The following DACH1 variants were observed in gnomAD, a reference collection of about 807,000 sequenced individuals.
DACH1 encodes the protein dachshund homolog 1.
A neutral mutation model predicts 54.2 loss-of-function variants in DACH1; 12 were observed. That is an observed-to-expected ratio of 0.22 (90% confidence interval 0.14 to 0.36). DACH1 has a LOEUF of 0.36. Among genes scored for constraint, DACH1 ranks in the 10% least tolerant of loss-of-function variants. The pLI, the probability that DACH1 is intolerant of heterozygous loss-of-function variation, is 1.00. For synonymous variants in DACH1, 386 were observed against 366.2 expected (o/e 1.05, Z -0.62); for missense variants, 805 against 929.8 (o/e 0.87, Z 1.75).
chr13:71,540,947 C>T (rs555985449), intron 6 of DACH1, among the ~76,000 whole-genome samples: 3 of 151,798 alleles, frequency 2.0e-5, no homozygotes, highest in African/African-American at 7.2e-5. Flanking sequence ...ATATACTTGT[C>T]CTATTAATAT....
At chr13:71,588,809 T>C (rs1873470082) in intron 3 of DACH1, among the ~76,000 whole-genome samples, 1 of 151,962 alleles carries the variant, frequency 6.6e-6, no homozygotes, top group Non-Finnish European at 1.5e-5. Context: ...TAAATGGCTA[T>C]TTTCCTCCCT....
chr13:71,452,645 G>A (rs1475339365), intron 10 of DACH1, among the ~76,000 whole-genome samples: 7 of 152,080 alleles, frequency 4.6e-5, no homozygotes, highest in Non-Finnish European at 1.0e-4. Flanking sequence ...TCAAGTATTA[G>A]GTAGAAAACA....
chr13:71,571,185 AT>A (rs1343598507), intron 4 of DACH1, among the ~76,000 whole-genome samples: 2 of 152,206 alleles, frequency 1.3e-5, no homozygotes, highest in Non-Finnish European at 2.9e-5. Flanking sequence ...ATATTATGAG[AT>A]GATTCTTTAT....
At chr13:71,583,312 T>C (rs1872979321) in intron 3 of DACH1, among the ~76,000 whole-genome samples, 1 of 152,114 alleles carries the variant, frequency 6.6e-6, no homozygotes. Context: ...TTTTGTTTCT[T>C]TTTTGCAAAA....
chr13:71,842,857 ATTC>A (rs1299157811), intron 1 of DACH1, among the ~76,000 whole-genome samples: 1 of 152,208 alleles, frequency 6.6e-6, no homozygotes, highest in East Asian at 1.9e-4. Context: ...AAGGATATCT[ATTC>A]TTCTGACTTG....
chr13:71,519,883 GTATATATATA>G lies in DACH1; in HGVS notation c.1571-30745_1571-30736del, dbSNP rs57190375. On this transcript the variant is annotated intron_variant, in intron 6 of 10. Coordinates refer to ENST00000613252, the MANE Select transcript of DACH1 (RefSeq NM_080759.6). ...AGATGTTTGTGTCCAAACCAAAGTA[GTATATATATA>G]TATATATATATATATCCTAACTAAC... Among the ~76,000 whole-genome samples, 61 of 29,348 alleles carry G rather than the reference GTATATATATA, an allele frequency of 2.1e-3. 6 individuals are homozygous for G. The highest frequency in any genetic ancestry group is 2.9e-3 in the African/African-American group (43 of 14,946). 19.3% of individuals were successfully genotyped at this position (29,348 alleles called of 152,430 possible).
At chr13:71,856,221 A>T (rs1261234117) in intron 1 of DACH1, among the ~76,000 whole-genome samples, 5 of 152,036 alleles carry the variant, frequency 3.3e-5, no homozygotes, top group African/African-American at 9.6e-5. Flanking sequence ...CCCATGGGGT[A>T]ACTTGTATAA....
chr13:71,726,998 A>G (rs1388601145), intron 1 of DACH1, among the ~76,000 whole-genome samples: 1 of 152,120 alleles, frequency 6.6e-6, no homozygotes, highest in East Asian at 1.9e-4. Flanking sequence ...TTTTCTATGT[A>G]AAATGAAACA....
At chr13:71,797,471 C>A (rs1356875278) in intron 1 of DACH1, among the ~76,000 whole-genome samples, 2 of 152,066 alleles carry the variant, frequency 1.3e-5, no homozygotes, top group African/African-American at 4.8e-5. Flanking sequence ...CTTAAAGGGT[C>A]AAAATTTATT....
chr13:71,819,968 C>T (rs1888120790), intron 1 of DACH1, among the ~76,000 whole-genome samples: 1 of 151,218 alleles, frequency 6.6e-6, no homozygotes, highest in African/African-American at 2.4e-5. Flanking sequence ...TTAACTGGCA[C>T]CTAAAGAAAA....
intron 1 of DACH1, among the ~76,000 whole-genome samples, chr13:71,697,578 C>T (rs1881895236): frequency 6.6e-6 from 1 of 152,044 alleles, no homozygotes; most frequent in Non-Finnish European, 1.5e-5. Flanking sequence ...TAGTCTATGC[C>T]CAAATATGTA....
intron 1 of DACH1, among the ~76,000 whole-genome samples, chr13:71,684,960 G>C (rs1340148548): frequency 2.0e-5 from 3 of 152,098 alleles, no homozygotes; most frequent in East Asian, 1.9e-4. Flanking sequence ...AGAGAAAATA[G>C]AATAGAGGGT....
chr13:71,833,391 A>G lies in DACH1; in HGVS notation c.848+32531T>C, dbSNP rs574330931. Among the ~76,000 whole-genome samples the G allele has an allele frequency of 1.2e-4, 19 of 152,176 alleles. 1 individual carries two copies. Among genetic ancestry groups the G allele is most frequent in the Non-Finnish European group, 1.5e-5 (1 of 67,970 alleles). ...AAATTTAAACTAAATTTTGTTTGAA[A>G]GCATCCGTTAACCTAATTTGTACAC... On this transcript the variant is annotated intron_variant, in intron 1 of 10. Coordinates refer to ENST00000613252, the MANE Select transcript of DACH1 (RefSeq NM_080759.6).
At chr13:71,483,066 G>T (rs1878185886) in intron 7 of DACH1, among the ~76,000 whole-genome samples, 1 of 151,804 alleles carries the variant, frequency 6.6e-6, no homozygotes, top group Non-Finnish European at 1.5e-5. Flanking sequence ...GCATCCCAAA[G>T]TGCTGGGATT....
In DACH1 at chr13:71,867,167, C is replaced by T. The variant is rs568463786; in HGVS notation, c.-398G>A. ...AGGAGGTTTGAAGGACTTGGGCTCT[C>T]CCTGGCAAGTACATTGATCAAAGAT... On this transcript the variant is annotated 5_prime_UTR_variant, in exon 1 of 11. Coordinates refer to ENST00000613252, the MANE Select transcript of DACH1 (RefSeq NM_080759.6). The T allele has an allele frequency of 2.5e-4, 44 of 173,252 alleles. No individual in the cohort carries two copies. In the South Asian group the frequency reaches 5.2e-3, roughly 20 times the overall value. 10.7% of individuals were successfully genotyped at this position (173,252 alleles called of 1,614,324 possible). A position where few individuals can be genotyped will look rare whatever the true frequency, so the allele number is the denominator to read the frequency against.
chr13:71,781,774 A>C (rs1191393996), intron 1 of DACH1, among the ~76,000 whole-genome samples: 1 of 152,196 alleles, frequency 6.6e-6, no homozygotes, highest in African/African-American at 2.4e-5. Context: ...TGTGGTTCAA[A>C]GATCACTCTG....
Position 71,491,606 on chromosome 13 carries a change from G to A in DACH1, c.1571-2458C>T, listed in dbSNP as rs978990460. On this transcript the variant is annotated intron_variant, in intron 6 of 10. Transcript: ENST00000613252. ...GAAATTAGCAAATTTGGGGCAGAAT[G>A]TTTAAGAAGCGAAAAAATGATTCTT... 9.9e-5 allele frequency among the ~76,000 whole-genome samples: 15 copies of A among 152,126 alleles called. 1 individual carries two copies. The highest frequency in any genetic ancestry group is 1.0e-4 in the Non-Finnish European group (7 of 67,990).
chr13:71,843,669 A>C (rs1326396761), intron 1 of DACH1, among the ~76,000 whole-genome samples: 1 of 152,216 alleles, frequency 6.6e-6, no homozygotes, highest in Non-Finnish European at 1.5e-5. Flanking sequence ...ACTGAAGTTT[A>C]CAATTCTTCA....
chr13:71,516,053 C>T (rs1457091063), intron 6 of DACH1, among the ~76,000 whole-genome samples: 1 of 151,770 alleles, frequency 6.6e-6, no homozygotes, highest in Non-Finnish European at 1.5e-5. Context: ...GGATTTTTAT[C>T]CATTGTAGGA....
Sources: gnomAD v4.1 joint callset for allele counts (sites outside exome capture counted in the v4.1 genomes callset) on GRCh38, gnomAD v4.1.1 for gene constraint, MANE v1.5 for transcripts, NCBI Gene and HGNC (gene_info 2026-07-23, HGNC 2026-07-21) for gene names.